CMSS1: variants seen among roughly 807,000 people sequenced by gnomAD.
CMSS1 encodes protein CMSS1.
CMSS1 carries 33 observed loss-of-function variants against 43.5 expected under a neutral mutation model. That is an observed-to-expected ratio of 0.76 (90% CI 0.57 to 1.01). CMSS1 has a LOEUF of 1.01. Ranked by LOEUF, CMSS1 falls within the 50% of genes least tolerant of loss-of-function variation. The probability of loss-of-function intolerance (pLI) is 0.00; values close to 1 mark genes in which losing one functional copy is unlikely to be tolerated. For synonymous variants in CMSS1, 115 were observed against 117.2 expected (o/e 0.98, Z 0.12); for missense variants, 313 against 326.4 (o/e 0.96, Z 0.32).
intron 1 of CMSS1, among the ~76,000 whole-genome samples, chr3:100,136,077 CT>C (rs2066750685): frequency 6.6e-6 from 1 of 152,210 alleles, no homozygotes; most frequent in Non-Finnish European, 1.5e-5. Flanking sequence ...GGATCACCCA[CT>C]CTCCTTTCCA....
intron 6 of CMSS1, among the ~76,000 whole-genome samples, chr3:100,171,459 T>C (rs1419308277): frequency 2.6e-5 from 4 of 151,920 alleles, no homozygotes; most frequent in Non-Finnish European, 4.4e-5. Context: ...CTCCAAGATA[T>C]CTTTTGCAAC....
At chr3:99,968,450 A>G (rs1708720407) in intron 1 of CMSS1, among the ~76,000 whole-genome samples, 1 of 152,036 alleles carries the variant, frequency 6.6e-6, no homozygotes, top group Non-Finnish European at 1.5e-5. Context: ...AAAAGACTGA[A>G]TGATATGTTG....
chr3:99,931,536 G>GA (rs754131229), intron 1 of CMSS1, among the ~76,000 whole-genome samples: 2 of 152,122 alleles, frequency 1.3e-5, no homozygotes, highest in African/African-American at 2.4e-5. Flanking sequence ...CATTAGGACA[G>GA]AAATGGCAGA....
rs544893106 is a variant in CMSS1 at position 100,084,771 on chromosome 3, T to G, written c.65-62202T>G. Among the ~76,000 whole-genome samples, 5 of 152,346 alleles carry G rather than the reference T, an allele frequency of 3.3e-5. No individual in the cohort carries two copies. In the South Asian group the frequency reaches 1.0e-3, roughly 32 times the overall value. ...AACTGAATATTTATAAATCAAATCA[T>G]AGTTTTCACTTGGTTCATATTATCA... is the stretch of plus-strand genomic sequence containing the variant. On this transcript the variant is annotated intron_variant, in intron 1 of 9. Transcript: ENST00000421999.
intron 1 of CMSS1, among the ~76,000 whole-genome samples, chr3:100,109,161 G>T (rs9829705): frequency 0.017 from 2,582 of 151,264 alleles, 84 homozygotes; most frequent in African/African-American, 0.058. Flanking sequence ...AATCAAGGTG[G>T]TTGGACTCTA....
intron 1 of CMSS1, among the ~76,000 whole-genome samples, chr3:99,987,615 A>C (rs1328665436): frequency 2.0e-5 from 3 of 152,154 alleles, no homozygotes; most frequent in Non-Finnish European, 4.4e-5. Context: ...CTCTGGCCTT[A>C]ATCTTATTAA....
At chr3:100,143,442 A>T (rs1230171265) in intron 1 of CMSS1, among the ~76,000 whole-genome samples, 1 of 152,102 alleles carries the variant, frequency 6.6e-6, no homozygotes, top group Admixed American at 6.5e-5. Flanking sequence ...TTCTTTTTAA[A>T]TTTGTTAATG....
chr3:99,833,978 A>G (rs1237748795), intron 1 of CMSS1, among the ~76,000 whole-genome samples: 3 of 152,254 alleles, frequency 2.0e-5, no homozygotes, highest in Admixed American at 2.0e-4. Context: ...GGAAATGCTA[A>G]ACTGAAGAAA....
intron 1 of CMSS1, among the ~76,000 whole-genome samples, chr3:100,092,396 A>G (rs1249080582): frequency 1.3e-5 from 2 of 152,070 alleles, no homozygotes; most frequent in Non-Finnish European, 2.9e-5. Context: ...ATGAACTGTA[A>G]TAAGATTTGT....
At chr3:99,850,065 C>T (rs139483111) in intron 1 of CMSS1, 3 of 1,612,282 alleles carry the variant, frequency 1.9e-6, no homozygotes, top group East Asian at 4.5e-5. Context: ...CAATTAACTT[C>T]TCAGTAACTG....
chr3:100,099,427 A>G (rs1443398032), intron 1 of CMSS1, among the ~76,000 whole-genome samples: 1 of 152,202 alleles, frequency 6.6e-6, no homozygotes, highest in African/African-American at 2.4e-5. Context: ...ACAAGTATAC[A>G]AGGGTAAGGA....
chr3:100,027,165 C>CTGCTTTT (rs1001584372), intron 1 of CMSS1, among the ~76,000 whole-genome samples: 17 of 152,146 alleles, frequency 1.1e-4, no homozygotes, highest in Admixed American at 1.0e-3. Context: ...TCCACCTTCT[C>CTGCTTTT]TGCTTTTTGT....
In CMSS1 at chr3:99,912,545, A is replaced by T. The variant is rs149422067; in HGVS notation, c.64+94502A>T. 4.4e-3 allele frequency among the ~76,000 whole-genome samples: 662 copies of T among 152,024 alleles called. 7 individuals are homozygous for T. The highest frequency in any genetic ancestry group is 0.016 in the African/African-American group (649 of 41,468). On this transcript the variant is annotated intron_variant, in intron 1 of 9. Transcript: ENST00000421999. ...GGTGCATGCCAGCACACCCAGCTAA[A>T]TTTTGTATTTTTTGTAGAGATGAAG...
At chr3:100,095,158 G>A (rs2066182828) in intron 1 of CMSS1, among the ~76,000 whole-genome samples, 1 of 152,042 alleles carries the variant, frequency 6.6e-6, no homozygotes, top group African/African-American at 2.4e-5. Context: ...TCTTGAAATA[G>A]GTACACTGAT....
chr3:100,128,144 C>T (rs1481692910), intron 1 of CMSS1, among the ~76,000 whole-genome samples: 1 of 152,196 alleles, frequency 6.6e-6, no homozygotes, highest in East Asian at 1.9e-4. Flanking sequence ...TAGCACAATG[C>T]CAGCCTTTCT....
intron 1 of CMSS1, among the ~76,000 whole-genome samples, chr3:99,941,869 C>T (rs1311364434): frequency 6.6e-6 from 1 of 151,886 alleles, no homozygotes; most frequent in Non-Finnish European, 1.5e-5. Context: ...GAGATAAAAC[C>T]TTGAAATTGA....
chr3:100,104,825 G>T (rs780646027), intron 1 of CMSS1, among the ~76,000 whole-genome samples: 2 of 152,116 alleles, frequency 1.3e-5, no homozygotes, highest in Non-Finnish European at 2.9e-5. Context: ...CCCAAAACTG[G>T]CTGAGAATCA....
At chr3:100,021,950 TGTGTGTGTGTGAGAGAGA>T (rs1208284383) in intron 1 of CMSS1, among the ~76,000 whole-genome samples, 132 of 128,982 alleles carry the variant, frequency 1.0e-3, no homozygotes, top group Admixed American at 2.4e-3. Context: ...TGTGTGTGTG[TGTGTGTGTGTGAGAGAGA>T]GAGAGAGAGA....
chr3:100,066,066 A>T (rs924372358), intron 1 of CMSS1, among the ~76,000 whole-genome samples: 1 of 152,244 alleles, frequency 6.6e-6, no homozygotes, highest in Non-Finnish European at 1.5e-5. Context: ...GCTATAAGGG[A>T]TAAGAGAACT....
Sources: allele counts gnomAD v4.1 joint callset (sites outside exome capture counted in the v4.1 genomes callset), GRCh38; gene constraint gnomAD v4.1.1; transcripts MANE v1.5; gene names NCBI Gene and HGNC (gene_info 2026-07-23, HGNC 2026-07-21).